Variants in NLRP12 observed in about 807,000 individuals in gnomAD.
NLRP12 encodes NLR family pyrin domain containing 12, also known as NACHT, LRR and PYD domains-containing protein 12.
Under a neutral mutation model 91.2 loss-of-function variants are expected in NLRP12, and 108 were observed. That is an observed-to-expected ratio of 1.18 (90% CI 1.01 to 1.39). The LOEUF (loss-of-function observed/expected upper bound fraction) is 1.39. Ranked by LOEUF, NLRP12 falls within the 40% of genes most tolerant of loss-of-function variation. The pLI is 0.00. For missense variants in NLRP12, 1,530 were observed against 1,352.7 expected (o/e 1.13, Z -2.06); for synonymous variants, 613 against 566.7 (o/e 1.08, Z -1.16).
rs2092310391 is a variant in NLRP12, at chr19:53,824,248, C to T, written c.-74G>A. 6.8e-7 allele frequency: 1 copy of T among 1,462,064 alleles called. No individual in the cohort carries two copies. Among genetic ancestry groups the T allele is most frequent in the East Asian group, 2.3e-5 (1 of 43,660 alleles). The allele number at this position is 1,462,064 out of a possible 1,614,324, so 90.6% of individuals were successfully genotyped here. On this transcript the variant is annotated 5_prime_UTR_variant, in exon 1 of 10. An upstream open reading frame in the 5' UTR gains an earlier in-frame stop. Coordinates refer to ENST00000324134, the MANE Select transcript of NLRP12 (RefSeq NM_144687.4). ...CTATGCACGGGACACAGGGCGACCCCAGCACACCTTCCATTGCATCATTCA... is the reference window on the plus strand; with the variant it reads ...CTATGCACGGGACACAGGGCGACCCTAGCACACCTTCCATTGCATCATTCA...
intron 1 of NLRP12, among the ~76,000 whole-genome samples, chr19:53,823,549 A>C (rs374436998): frequency 1.2e-5 from 1 of 85,606 alleles, no homozygotes; most frequent in East Asian, 3.2e-4. Flanking sequence ...ATTTTAAAAA[A>C]ATATATTTTA....
rs376754003 is a variant in NLRP12, at chr19:53,824,140, C to A, written c.35G>T (p.Arg12Leu). 1 of 1,614,052 alleles carries A rather than the reference C, an allele frequency of 6.2e-7. No individual in the cohort carries two copies. Among genetic ancestry groups the A allele is most frequent in the Admixed American group, 1.7e-5 (1 of 59,986 alleles). ...LRTAGRDGLC[R>L]LSTYLEELEA... ...GAGTTCTTCCAAGTAGGTGGACAGG[C>A]GACAGAGGCCGTCCCTGCCTGCGGT... is the stretch of plus-strand genomic sequence containing the variant. The change falls in exon 1 of 10, where the codon CGC becomes CTC. Residue 12 changes from arginine to leucine, a missense_variant. Arg to Leu is a moderately radical substitution (Grantham distance 102). Coordinates refer to ENST00000324134, the MANE Select transcript of NLRP12 (RefSeq NM_144687.4).
chr19:53,814,414 G>A (rs561983144), intron 2 of NLRP12, among the ~76,000 whole-genome samples: 22 of 152,042 alleles, frequency 1.4e-4, no homozygotes, highest in Middle Eastern at 3.4e-3. Context: ...GTGCAGTGGT[G>A]CAATCTTGGC....
chr19:53,810,953 C>T lies in NLRP12; in HGVS notation c.706G>A (p.Asp236Asn). ...AATCTGCCTTGGAAGAGCTTCCCGT[C>T]CGCCCAGTCCAGCATCACCTTGTGT... Reference protein sequence around the residue: ...LAHKVMLDWADGKLFQGRFDY... With the variant: ...LAHKVMLDWANGKLFQGRFDY... Residue 236 changes from aspartate (D) to asparagine (N), a missense_variant, in exon 3 of 10, where the codon GAC becomes AAC. Physicochemically the swap from Asp to Asn is conservative, Grantham distance 23 (BLOSUM62 1). Coordinates refer to ENST00000324134, the MANE Select transcript of NLRP12 (RefSeq NM_144687.4). The T allele has an allele frequency of 6.2e-7, 1 of 1,614,160 alleles. No homozygotes were observed. The highest frequency in any genetic ancestry group is 2.2e-5 in the East Asian group (1 of 44,882).
chr19:53,811,398 C>T, intron 2 of NLRP12, 110 bp from the exon 3 acceptor site: 2 of 1,261,016 alleles, frequency 1.6e-6, no homozygotes, highest in Non-Finnish European at 2.3e-6. Context: ...CCTGTAGTTC[C>T]AGCTACTCAG....
intron 1 of NLRP12, among the ~76,000 whole-genome samples, chr19:53,818,660 G>A (rs1445540998): frequency 5.3e-5 from 8 of 151,844 alleles, no homozygotes; most frequent in African/African-American, 9.7e-5. Flanking sequence ...GTGAGACTCC[G>A]TCTCAAAAAA....
chr19:53,806,629 C>T (rs148360031), intron 4 of NLRP12, among the ~76,000 whole-genome samples: 427 of 133,412 alleles, frequency 3.2e-3, no homozygotes, highest in African/African-American at 0.011. Context: ...TGCAGTGAGC[C>T]GAGATCACGC....
At position 53,811,246 on chromosome 19, in the gene NLRP12, C is replaced by G. The variant is rs534882841; in HGVS notation, c.413G>C (p.Arg138Pro). Residue 138 changes from arginine (R) to proline (P), a missense_variant, in exon 3 of 10, where the codon CGG becomes CCG. Coordinates refer to ENST00000324134, the MANE Select transcript of NLRP12 (RefSeq NM_144687.4). ...TYRDYVRRKF[R>P]LMEDRNARLG... ...GCGCGCATTGCGGTCTTCCATGAGC[C>G]GGAATTTCCTGCGGACATAGTCCCT... 1 of 1,614,006 alleles carries G rather than the reference C, an allele frequency of 6.2e-7. No individual in the cohort carries two copies. Among genetic ancestry groups the G allele is most frequent in the Non-Finnish European group, 8.5e-7 (1 of 1,180,026 alleles).
At position 53,810,966 on chromosome 19, in the gene NLRP12, C is replaced by T; in HGVS notation, c.693G>A (p.Met231Ile). The change falls in exon 3 of 10, where the codon ATG becomes ATA. Residue 231 changes from methionine to isoleucine, a missense_variant. Met to Ile is a conservative substitution (Grantham distance 10). Coordinates refer to ENST00000324134, the MANE Select transcript of NLRP12 (RefSeq NM_144687.4). ...IGKSMLAHKV[M>I]LDWADGKLFQ... ...AGAGCTTCCCGTCCGCCCAGTCCAG[C>T]ATCACCTTGTGTGCCAGCATGGACT... 2 of 1,614,170 alleles carry T rather than the reference C, an allele frequency of 1.2e-6. No homozygotes were observed. The highest frequency in any genetic ancestry group is 1.7e-6 in the Non-Finnish European group (2 of 1,180,048).
At position 53,809,258 on chromosome 19, in the gene NLRP12, T is replaced by C. The variant is rs1600704540; in HGVS notation, c.2072+329A>G. 3.6e-5 allele frequency among the ~76,000 whole-genome samples: 5 copies of C among 140,310 alleles called. No homozygotes were observed. The South Asian group carries it at 1.1e-3, about 31-fold the overall frequency. The allele number at this position is 140,310 out of a possible 152,430, so 92.0% of individuals were successfully genotyped here. A position where few individuals can be genotyped will look rare whatever the true frequency, so the allele number is the denominator to read the frequency against. The stretch of plus-strand genomic sequence containing the variant: ...AAAAAAAAAAAAATCGTGGGCCGGG[T>C]GCAGTGGCTCATGCCTGTAATCCCA... On this transcript the variant is annotated intron_variant, in intron 3 of 9. Coordinates refer to ENST00000324134, the MANE Select transcript of NLRP12 (RefSeq NM_144687.4).
intron 8 of NLRP12, among the ~76,000 whole-genome samples, chr19:53,796,824 C>A (rs1194815246): frequency 6.6e-6 from 1 of 151,134 alleles, no homozygotes; most frequent in African/African-American, 2.4e-5. Flanking sequence ...TGAGAAACCC[C>A]GTCTCTACTA....
chr19:53,811,333 C>A, intron 2 of NLRP12, 45 bp from the exon 3 acceptor site: 1 of 1,605,078 alleles, frequency 6.2e-7, no homozygotes, highest in South Asian at 1.1e-5. Context: ...CATCAGCAGC[C>A]TCTAATGAGT....
intron 2 of NLRP12, among the ~76,000 whole-genome samples, chr19:53,814,410 T>C (rs1199227044): frequency 6.6e-6 from 1 of 152,108 alleles, no homozygotes; most frequent in Non-Finnish European, 1.5e-5. Context: ...TGGAGTGCAG[T>C]GGTGCAATCT....
chr19:53,796,260 T>C, intron 8 of NLRP12: 1 of 496,806 alleles, frequency 2.0e-6, no homozygotes, highest in South Asian at 1.8e-5. Flanking sequence ...CTTTTATTTT[T>C]GTTTTGTTTG....
intron 1 of NLRP12, among the ~76,000 whole-genome samples, chr19:53,819,276 C>T (rs371273082): frequency 6.0e-5 from 9 of 150,110 alleles, no homozygotes; most frequent in African/African-American, 2.0e-4. Context: ...TGGAGTCTCG[C>T]TTTTGTCATC....
intron 2 of NLRP12, among the ~76,000 whole-genome samples, chr19:53,811,830 G>T (rs1487234060): frequency 2.6e-5 from 4 of 152,054 alleles, no homozygotes; most frequent in Non-Finnish European, 5.9e-5. Context: ...CTTCCAAAGT[G>T]CTAGGATTAG....
chr19:53,809,266 C>T (rs1171740826), intron 3 of NLRP12, among the ~76,000 whole-genome samples: 2 of 149,520 alleles, frequency 1.3e-5, no homozygotes, highest in African/African-American at 4.9e-5. Flanking sequence ...GGTGCAGTGG[C>T]TCATGCCTGT....
intron 9 of NLRP12, among the ~76,000 whole-genome samples, chr19:53,795,572 C>T (rs573739849): frequency 6.7e-6 from 1 of 150,240 alleles, no homozygotes; most frequent in South Asian, 2.1e-4. Context: ...GACGGGGTTT[C>T]GCCATTTTAG....
chr19:53,806,800 G>A (rs75758592), intron 4 of NLRP12, among the ~76,000 whole-genome samples: 1 of 150,004 alleles, frequency 6.7e-6, no homozygotes, highest in Non-Finnish European at 1.5e-5. Flanking sequence ...TGGGGCTGCA[G>A]TGAGCCATGA....
Sources: allele counts gnomAD v4.1 joint callset (sites outside exome capture counted in the v4.1 genomes callset), GRCh38; gene constraint gnomAD v4.1.1; transcripts MANE v1.5; gene names NCBI Gene and HGNC (gene_info 2026-07-23, HGNC 2026-07-21).